Variants in TRARG1 observed in about 807,000 individuals in gnomAD.
TRARG1 encodes trafficking regulator of GLUT4 (SLC2A4) 1 (gene/pseudogene).
TRARG1 carries 16 observed loss-of-function variants against 13.3 expected under a neutral mutation model. The observed-to-expected ratio is 1.20, with a 90% confidence interval of 0.81 to 1.83. The LOEUF (loss-of-function observed/expected upper bound fraction) is 1.83, where lower values mean the gene tolerates loss of function less well. Ranked by LOEUF, TRARG1 falls within the 40% of genes most tolerant of loss-of-function variation. The pLI, the probability that TRARG1 is intolerant of heterozygous loss-of-function variation, is 0.00. For synonymous variants in TRARG1, 113 were observed against 106.2 expected, an observed-to-expected ratio of 1.06 and a Z score of -0.39; for missense variants, 250 against 237.4, an observed-to-expected ratio of 1.05 and a Z score of -0.35.
At chr17:1,282,059 C>CACAT (rs1830893638) in intron 1 of TRARG1, among the ~76,000 whole-genome samples, 2 of 103,366 alleles carry the variant, frequency 1.9e-5, no homozygotes, top group Non-Finnish European at 3.9e-5. Context: ...CACATATGTA[C>CACAT]ATGTATACAC....
In TRARG1 at chr17:1,298,477, A is replaced by G; in HGVS notation, c.*213A>G. 9.5e-6 allele frequency: 5 copies of G among 528,378 alleles called. No individual in the cohort carries two copies. Among genetic ancestry groups the G allele is most frequent in the Non-Finnish European group, 1.3e-5 (4 of 299,382 alleles). 32.7% of individuals were successfully genotyped at this position (528,378 alleles called of 1,614,324 possible). On this transcript the variant is annotated 3_prime_UTR_variant, in exon 3 of 3. Transcript: ENST00000333813. ...CGAGGAAGGAAAGCACAGCGAACCC[A>G]ATGGGTAACGTGGTTTACTCTCCCG...
chr17:1,293,947 T>A (rs2072092811), intron 1 of TRARG1, among the ~76,000 whole-genome samples: 1 of 151,884 alleles, frequency 6.6e-6, no homozygotes, highest in South Asian at 2.1e-4. Flanking sequence ...CTAAAGGAGG[T>A]AATCTAGGTA....
intron 1 of TRARG1, among the ~76,000 whole-genome samples, chr17:1,286,680 T>C (rs115879213): frequency 1.5e-3 from 207 of 140,432 alleles, no homozygotes; most frequent in African/African-American, 5.2e-3. Flanking sequence ...CTGAGGGGTG[T>C]TATCAGCCTG....
chr17:1,293,610 G>A (rs1394053106), intron 1 of TRARG1, among the ~76,000 whole-genome samples: 3 of 149,032 alleles, frequency 2.0e-5, no homozygotes, highest in East Asian at 1.9e-4. Context: ...ATGATGTCGT[G>A]GGTTGTGTTT....
intron 1 of TRARG1, among the ~76,000 whole-genome samples, chr17:1,284,988 C>T (rs1232196706): frequency 6.6e-6 from 1 of 152,068 alleles, no homozygotes; most frequent in Non-Finnish European, 1.5e-5. Flanking sequence ...CTGAATGCAC[C>T]TCTTTTATGA....
Position 1,280,343 on chromosome 17 carries a change from C to T in TRARG1, c.342C>T (p.Cys114=), listed in dbSNP as rs147268460. ...YLILAVVACF[C]PVWPLNLIPL... ...TCCTGGCCGTCGTCGCCTGCTTCTG[C>T]CCCGTCTGGCCCCTCAACCTCATCC... The change falls in exon 1 of 3, where the codon TGC becomes TGT. Residue 114 remains cysteine (C), a synonymous_variant. Coordinates refer to ENST00000333813, the MANE Select transcript of TRARG1 (RefSeq NM_172367.3). 3.6e-5 allele frequency: 58 copies of T among 1,611,326 alleles called. No homozygotes were observed. Among genetic ancestry groups the T allele is most frequent in the Non-Finnish European group, 4.2e-5 (50 of 1,178,894 alleles).
intron 2 of TRARG1, among the ~76,000 whole-genome samples, chr17:1,297,592 CTTTTTTTTTTT>C (rs35978298): frequency 1.2e-4 from 12 of 97,928 alleles, no homozygotes; most frequent in African/African-American, 3.2e-4. Flanking sequence ...TTAGCCAGGA[CTTTTTTTTTTT>C]TTTTTTTTTT....
At chr17:1,291,485 T>G (rs1247755525) in intron 1 of TRARG1, among the ~76,000 whole-genome samples, 2 of 152,216 alleles carry the variant, frequency 1.3e-5, no homozygotes, top group East Asian at 3.8e-4. Flanking sequence ...GTGAAGGACG[T>G]GTTTACCGCC....
intron 1 of TRARG1, among the ~76,000 whole-genome samples, chr17:1,286,455 A>G (rs111341326): frequency 1.3e-3 from 115 of 87,726 alleles, no homozygotes; most frequent in African/African-American, 4.5e-3. Flanking sequence ...GTGAGTTGTT[A>G]TCGGCCTGTG....
intron 1 of TRARG1, among the ~76,000 whole-genome samples, chr17:1,287,044 TG>T (rs1339275870): frequency 2.0e-5 from 3 of 151,712 alleles, no homozygotes. Flanking sequence ...TGGGCTGTGC[TG>T]GGAGGGAGCG....
At chr17:1,294,468 C>T (rs1186934722) in intron 1 of TRARG1, among the ~76,000 whole-genome samples, 22 of 113,434 alleles carry the variant, frequency 1.9e-4, no homozygotes, top group Admixed American at 5.9e-4. Context: ...AAGACAGTGT[C>T]TTTTTTTTTT....
chr17:1,280,504 G>A (rs367640743), intron 1 of TRARG1, 116 bp downstream of exon 1: 2 of 1,200,458 alleles, frequency 1.7e-6, no homozygotes, highest in East Asian at 2.4e-5. Context: ...CTGGGAGTGG[G>A]GGGCTTGGGG....
At chr17:1,284,837 C>T (rs1280556930) in intron 1 of TRARG1, among the ~76,000 whole-genome samples, 1 of 152,008 alleles carries the variant, frequency 6.6e-6, no homozygotes, top group Non-Finnish European at 1.5e-5. Flanking sequence ...CCCGCCACCA[C>T]ACCCTGCTAA....
chr17:1,297,707 G>A (rs147646047), intron 2 of TRARG1, among the ~76,000 whole-genome samples: 1,876 of 147,810 alleles, frequency 0.013, 52 homozygotes, highest in African/African-American at 0.045. Flanking sequence ...AGGTTCAAGC[G>A]AATCTCCTGC....
In TRARG1 at chr17:1,283,604, C is replaced by T. The variant is rs185657492; in HGVS notation, c.387+3216C>T. Among the ~76,000 whole-genome samples, 909 of 147,940 alleles carry T rather than the reference C, an allele frequency of 6.1e-3. 6 individuals carry two copies. Among genetic ancestry groups the T allele is most frequent in the Middle Eastern group, 0.013 (3 of 228 alleles). ...GGTGGATCTCCTGAGATCAGGAGTTCGAGACCAGCCTGGCCAACATGGTGC... is the reference window on the plus strand; with the variant it reads ...GGTGGATCTCCTGAGATCAGGAGTTTGAGACCAGCCTGGCCAACATGGTGC... On this transcript the variant is annotated intron_variant, in intron 1 of 2. Transcript: ENST00000333813.
chr17:1,291,806 G>C (rs1303807628), intron 1 of TRARG1, among the ~76,000 whole-genome samples: 1 of 152,186 alleles, frequency 6.6e-6, no homozygotes. Flanking sequence ...TGGACATATG[G>C]TGCTTTGGAG....
intron 1 of TRARG1, among the ~76,000 whole-genome samples, chr17:1,292,194 C>CA (rs770679262): frequency 1.4e-4 from 20 of 139,846 alleles, no homozygotes; most frequent in Admixed American, 2.2e-4. Flanking sequence ...CAAAACAAAA[C>CA]AAACAAACAA....
At chr17:1,281,810 C>G (rs1191696816) in intron 1 of TRARG1, among the ~76,000 whole-genome samples, 2 of 152,002 alleles carry the variant, frequency 1.3e-5, no homozygotes, top group Non-Finnish European at 2.9e-5. Flanking sequence ...CTGCTGGAAT[C>G]CATCTCCTGG....
intron 1 of TRARG1, among the ~76,000 whole-genome samples, chr17:1,287,712 G>C (rs1206882546): frequency 1.3e-5 from 2 of 151,928 alleles, no homozygotes; most frequent in Admixed American, 6.6e-5. Context: ...GAGTGCAATA[G>C]TGCGATCTTG....
Sources: allele counts gnomAD v4.1 joint callset (sites outside exome capture counted in the v4.1 genomes callset), GRCh38; gene constraint gnomAD v4.1.1; transcripts MANE v1.5; gene names NCBI Gene and HGNC (gene_info 2026-07-23, HGNC 2026-07-21).